Variants in TIAM1 observed in about 807,000 individuals in gnomAD.
The protein encoded by TIAM1 is TIAM Rac1 associated GEF 1.
A neutral mutation model predicts 163.5 loss-of-function variants in TIAM1; 65 were observed. The ratio of observed to expected loss-of-function variants is 0.40; its 90% CI spans 0.33 to 0.49. TIAM1 has a LOEUF of 0.49. Ranked by LOEUF, TIAM1 falls within the 20% of genes least tolerant of loss-of-function variation. The probability of loss-of-function intolerance (pLI) is 0.77; values close to 1 mark genes in which losing one functional copy is unlikely to be tolerated. For missense variants in TIAM1, 1,789 were observed against 2,044.7 expected (o/e 0.87, Z 2.41); for synonymous variants, 833 against 810.1 (o/e 1.03, Z -0.48).
At chr21:31,339,530 T>G in intron 1 of TIAM1, 108 bp from the exon 2 acceptor site, 1 of 396,954 alleles carries the variant, frequency 2.5e-6, no homozygotes, top group Non-Finnish European at 4.4e-6. Flanking sequence ...ACAGGAAAAG[T>G]ACCTTACATG....
intron 2 of TIAM1, among the ~76,000 whole-genome samples, chr21:31,362,445 AATTATTATTATTATT>A (rs10634487): frequency 8.4e-5 from 12 of 142,784 alleles, no homozygotes; most frequent in Admixed American, 4.2e-4. Flanking sequence ...ATGCAGTGAC[AATTATTATTATTATT>A]ATTATTATTA....
chr21:31,432,091 CTTTTTTTTTTTTTTTTT>C (rs11291911), intron 2 of TIAM1, among the ~76,000 whole-genome samples: 2 of 93,664 alleles, frequency 2.1e-5, no homozygotes, highest in Non-Finnish European at 4.1e-5. Flanking sequence ...TCTAAGATTC[CTTTTTTTTTTTTTTTTT>C]TTTTTTTTTT....
At chr21:31,207,483 T>G (rs1264933655) in intron 11 of TIAM1, among the ~76,000 whole-genome samples, 1 of 152,192 alleles carries the variant, frequency 6.6e-6, no homozygotes, top group Non-Finnish European at 1.5e-5. Flanking sequence ...ACAATCATGT[T>G]TGTTTTCAAT....
chr21:31,306,968 T>C (rs2074737069), intron 2 of TIAM1, among the ~76,000 whole-genome samples: 1 of 152,190 alleles, frequency 6.6e-6, no homozygotes, highest in Non-Finnish European at 1.5e-5. Context: ...AGACATTTGG[T>C]ACTCTCGAAT....
At chr21:31,313,959 C>A (rs948121846) in intron 2 of TIAM1, among the ~76,000 whole-genome samples, 3 of 152,224 alleles carry the variant, frequency 2.0e-5, no homozygotes, top group Non-Finnish European at 4.4e-5. Flanking sequence ...TCAGAATGGA[C>A]AACTTAACAG....
chr21:31,292,505 G>A (rs1293338660), intron 2 of TIAM1, among the ~76,000 whole-genome samples: 1 of 151,664 alleles, frequency 6.6e-6, no homozygotes, highest in Non-Finnish European at 1.5e-5. Flanking sequence ...GAGTAGCTGG[G>A]ATTACAAGCA....
chr21:31,257,942 G>C (rs1020130917), intron 4 of TIAM1, among the ~76,000 whole-genome samples: 1 of 124,304 alleles, frequency 8.0e-6, no homozygotes, highest in Non-Finnish European at 1.6e-5. Context: ...CTCCTTGCTC[G>C]AATGTGCTGG....
intron 2 of TIAM1, among the ~76,000 whole-genome samples, chr21:31,284,871 C>T (rs1326618299): frequency 1.3e-5 from 2 of 152,046 alleles, no homozygotes; most frequent in Non-Finnish European, 2.9e-5. Context: ...AGTCTCCATT[C>T]CAAGGGACAT....
intron 2 of TIAM1, among the ~76,000 whole-genome samples, chr21:31,362,159 C>T (rs2076417348): frequency 6.6e-6 from 1 of 151,288 alleles, no homozygotes; most frequent in African/African-American, 2.4e-5. Context: ...TCACCCTATC[C>T]CTTTTAAAAA....
At chr21:31,394,728 T>TCTCTCTCTCTCTCA (rs1279053911) in intron 2 of TIAM1, among the ~76,000 whole-genome samples, 4 of 95,704 alleles carry the variant, frequency 4.2e-5, no homozygotes, top group Non-Finnish European at 8.4e-5. Flanking sequence ...TCTCTCTCTC[T>TCTCTCTCTCTCTCA]CACACACACA....
intron 3 of TIAM1, among the ~76,000 whole-genome samples, chr21:31,273,009 A>G (rs565475825): frequency 1.3e-5 from 2 of 152,320 alleles, no homozygotes; most frequent in African/African-American, 2.4e-5. Flanking sequence ...GAGTAAACCA[A>G]CTAAGGCCTA....
intron 23 of TIAM1, among the ~76,000 whole-genome samples, chr21:31,135,317 C>A (rs73191638): frequency 1.3e-5 from 2 of 152,310 alleles, no homozygotes; most frequent in Non-Finnish European, 2.9e-5. Context: ...CACATGAGAT[C>A]TCTAATTGCA....
intron 2 of TIAM1, among the ~76,000 whole-genome samples, chr21:31,324,335 GGA>G (rs1555937560): frequency 2.0e-5 from 3 of 151,910 alleles, no homozygotes; most frequent in Non-Finnish European, 4.4e-5. Flanking sequence ...CCTGGGCGAC[GGA>G]GAGAAACTCT....
At position 31,142,774 on chromosome 21, in the gene TIAM1, G is replaced by A. The variant is rs149008419; in HGVS notation, c.3476-1270C>T. Reference sequence around the variant, plus strand: ...GTGATCTACTCAAAGTTAACTCGGTGGCACCACCTGTGGGCATCCGTGGGC... The same window carrying A: ...GTGATCTACTCAAAGTTAACTCGGTAGCACCACCTGTGGGCATCCGTGGGC... On this transcript the variant is annotated intron_variant, in intron 20 of 27. Coordinates refer to ENST00000541036, the MANE Select transcript of TIAM1 (RefSeq NM_001353694.2). Among the ~76,000 whole-genome samples the A allele has an allele frequency of 6.8e-4, 104 of 152,278 alleles. No individual in the cohort carries two copies. In the Middle Eastern group the frequency reaches 0.027, roughly 40 times the overall value.
chr21:31,551,361 G>A (rs774102829), intron 1 of TIAM1, among the ~76,000 whole-genome samples: 3 of 152,076 alleles, frequency 2.0e-5, no homozygotes, highest in Non-Finnish European at 2.9e-5. Flanking sequence ...ACCAAGCCGC[G>A]ATCATGCCAT....
At chr21:31,505,812 A>G (rs111896053) in intron 1 of TIAM1, among the ~76,000 whole-genome samples, 3,944 of 152,048 alleles carry the variant, frequency 0.026, 76 homozygotes, top group Non-Finnish European at 0.036. Flanking sequence ...CGAGACGAGC[A>G]TGGCCAACAC....
chr21:31,128,848 T>C (rs1318685021), intron 25 of TIAM1, among the ~76,000 whole-genome samples: 1 of 152,198 alleles, frequency 6.6e-6, no homozygotes, highest in Non-Finnish European at 1.5e-5. Flanking sequence ...TCATTTAATT[T>C]GGAAGAGTAA....
chr21:31,437,180 T>G (rs868092913), intron 2 of TIAM1, among the ~76,000 whole-genome samples: 7 of 152,186 alleles, frequency 4.6e-5, no homozygotes, highest in Non-Finnish European at 8.8e-5. Context: ...ATATTATACA[T>G]AGTTATTGAT....
At chr21:31,411,512 C>T (rs1040940023) in intron 2 of TIAM1, among the ~76,000 whole-genome samples, 3 of 144,912 alleles carry the variant, frequency 2.1e-5, no homozygotes, top group Non-Finnish European at 4.5e-5. Flanking sequence ...GTCTCACTCC[C>T]TTGCCCAGGC....
Sources: allele counts gnomAD v4.1 joint callset (sites outside exome capture counted in the v4.1 genomes callset), GRCh38; gene constraint gnomAD v4.1.1; transcripts MANE v1.5; gene names NCBI Gene and HGNC (gene_info 2026-07-23, HGNC 2026-07-21).